The following ANK3 variants were observed in gnomAD, a reference collection of about 807,000 sequenced individuals.
ANK3 encodes ankyrin-3.
A neutral mutation model predicts 370.9 loss-of-function variants in ANK3; 57 were observed. The ratio of observed to expected loss-of-function variants is 0.15; its 90% CI spans 0.12 to 0.19. ANK3 has a LOEUF of 0.19. Ranked by LOEUF, ANK3 falls within the 10% of genes least tolerant of loss-of-function variation. The pLI is 1.00. For missense variants in ANK3, 4,439 were observed against 5,302.1 expected, an observed-to-expected ratio of 0.84 and a Z score of 5.06; for synonymous variants, 1,929 against 1,946.3, an observed-to-expected ratio of 0.99 and a Z score of 0.23.
At chr10:60,046,824 T>TTTTTTA in intron 42 of ANK3, among the ~76,000 whole-genome samples, 1 of 151,126 alleles carries the variant, frequency 6.6e-6, no homozygotes, top group Non-Finnish European at 1.5e-5. Context: ...TTTTTTTTTT[T>TTTTTTA]GAGATGGAGT....
chr10:60,247,316 C>T (rs1451579889), intron 7 of ANK3, among the ~76,000 whole-genome samples: 2 of 152,114 alleles, frequency 1.3e-5, no homozygotes, highest in South Asian at 2.1e-4. Context: ...TGGACCCAGT[C>T]AGAGCCCAGT....
At chr10:60,440,764 A>G (rs187963739) in intron 2 of ANK3, among the ~76,000 whole-genome samples, 74 of 152,288 alleles carry the variant, frequency 4.9e-4, no homozygotes, top group African/African-American at 1.7e-3. Context: ...GCACAGTTTG[A>G]GAGCTCCCAA....
At chr10:60,125,672 G>T (rs1457503453) in intron 25 of ANK3, among the ~76,000 whole-genome samples, 1 of 152,176 alleles carries the variant, frequency 6.6e-6, no homozygotes. Flanking sequence ...TCTGCCGACG[G>T]GTGTGGGAGA....
chr10:60,063,724 C>G (rs1286440386), intron 39 of ANK3, among the ~76,000 whole-genome samples: 3 of 152,136 alleles, frequency 2.0e-5, no homozygotes, highest in Admixed American at 2.0e-4. Context: ...AAACCAAACC[C>G]AACAACAGTA....
At chr10:60,347,601 A>G (rs1228261329) in intron 1 of ANK3, among the ~76,000 whole-genome samples, 2 of 152,128 alleles carry the variant, frequency 1.3e-5, no homozygotes, top group Non-Finnish European at 2.9e-5. Context: ...GAAACCTATC[A>G]AAGTGCCTGA....
At position 60,340,854 on chromosome 10, in the gene ANK3, T is replaced by C. The variant is rs117577974; in HGVS notation, c.114+48571A>G. Among the ~76,000 whole-genome samples, 1,484 of 152,224 alleles carry C rather than the reference T, an allele frequency of 9.7e-3. 13 individuals are homozygous for C. Among genetic ancestry groups the C allele is most frequent in the Non-Finnish European group, 0.015 (1,042 of 67,998 alleles). On this transcript the variant is annotated intron_variant, in intron 1 of 43. Coordinates refer to ENST00000280772, the MANE Select transcript of ANK3 (RefSeq NM_020987.5). ...TGATCTAAACACTTCATGTGCAAAA[T>C]TTTGCTGTATCCTCACAATGACTCT...
intron 15 of ANK3, 132 bp from the exon 16 acceptor site, chr10:60,196,375 C>G (rs1299868532): frequency 4.2e-6 from 4 of 943,524 alleles, no homozygotes; most frequent in Admixed American, 2.4e-5. Context: ...GTACTTGGAC[C>G]CCAGCATTTA....
intron 8 of ANK3, among the ~76,000 whole-genome samples, chr10:60,232,390 G>T (rs997101805): frequency 1.3e-5 from 2 of 152,070 alleles, no homozygotes; most frequent in African/African-American, 4.8e-5. Flanking sequence ...GTGATAATCA[G>T]GCAACAGATG....
At chr10:60,385,435 C>G (rs1004944080) in intron 1 of ANK3, among the ~76,000 whole-genome samples, 1 of 151,952 alleles carries the variant, frequency 6.6e-6, no homozygotes, top group Admixed American at 6.6e-5. Context: ...ATTAGTGGCT[C>G]TTATCTTTCT....
At chr10:60,271,934 AT>A (rs1437673926) in intron 4 of ANK3, among the ~76,000 whole-genome samples, 2 of 151,184 alleles carry the variant, frequency 1.3e-5, no homozygotes, top group Non-Finnish European at 2.9e-5. Flanking sequence ...GAAACACAAA[AT>A]TAGAGGCAGT....
rs748627700 is a variant in ANK3 at position 60,083,637 on chromosome 10, A to G, written c.4075-20T>C. 6.5e-7 allele frequency: 1 copy of G among 1,549,792 alleles called. No homozygotes were observed. Among genetic ancestry groups the G allele is most frequent in the Non-Finnish European group, 8.8e-7 (1 of 1,141,092 alleles). On this transcript the variant is annotated intron_variant, in intron 32 of 43. Transcript: ENST00000280772. ...CAGAACCTTTTAGAGTAAAAGAAAT[A>G]AACAATTTAATGTTAATCTGAGTTT...
At chr10:60,401,859 A>C (rs907954405) in intron 2 of ANK3, among the ~76,000 whole-genome samples, 9 of 152,166 alleles carry the variant, frequency 5.9e-5, no homozygotes, top group Non-Finnish European at 1.2e-4. Context: ...ACTTAGGATA[A>C]ATTTCTGGAG....
intron 23 of ANK3, chr10:60,140,585 A>C (rs376562639): frequency 7.2e-7 from 1 of 1,390,160 alleles, no homozygotes; most frequent in Non-Finnish European, 9.3e-7. Context: ...GATTTTCAAA[A>C]TTTCAGGCCC....
intron 1 of ANK3, among the ~76,000 whole-genome samples, chr10:60,658,893 G>C (rs1219760509): frequency 7.3e-6 from 1 of 136,732 alleles, no homozygotes; most frequent in Non-Finnish European, 1.6e-5. Context: ...GAGAAAGAGA[G>C]AGAAAAAGGA....
intron 8 of ANK3, among the ~76,000 whole-genome samples, chr10:60,226,378 GAATA>G (rs1410769471): frequency 3.7e-5 from 4 of 109,072 alleles, no homozygotes; most frequent in South Asian, 2.7e-4. Context: ...GTAAATTATA[GAATA>G]AATTATAGTA....
At chr10:60,712,727 T>G (rs76166136) in intron 1 of ANK3, among the ~76,000 whole-genome samples, 7,544 of 152,078 alleles carry the variant, frequency 0.05, 282 homozygotes, top group Non-Finnish European at 0.077. Flanking sequence ...CCACTTTAAA[T>G]ATAAAGAAAC....
At chr10:60,166,568 T>A (rs768451625) in intron 23 of ANK3, 23 bp downstream of exon 23, 1 of 1,600,894 alleles carries the variant, frequency 6.2e-7, no homozygotes, top group Admixed American at 1.7e-5. Context: ...TTAAGTTTCA[T>A]CACAATAAAA....
At chr10:60,454,351 G>A (rs1323081827) in intron 2 of ANK3, among the ~76,000 whole-genome samples, 2 of 152,160 alleles carry the variant, frequency 1.3e-5, no homozygotes, top group African/African-American at 2.4e-5. Flanking sequence ...AATCTAGGAT[G>A]ACACTTTTCT....
intron 2 of ANK3, among the ~76,000 whole-genome samples, chr10:60,414,349 T>C (rs1370290906): frequency 6.6e-6 from 1 of 152,074 alleles, no homozygotes; most frequent in East Asian, 1.9e-4. Flanking sequence ...CCCATATCCA[T>C]GGGGACTGGA....
Sources: gnomAD v4.1 joint callset for allele counts (sites outside exome capture counted in the v4.1 genomes callset) on GRCh38, gnomAD v4.1.1 for gene constraint, MANE v1.5 for transcripts, NCBI Gene and HGNC (gene_info 2026-07-23, HGNC 2026-07-21) for gene names.